Variants in CEP295 observed in about 807,000 individuals in gnomAD.
CEP295 encodes centrosomal protein 295, also known as centrosomal protein of 295 kDa.
CEP295 carries 190 observed loss-of-function variants against 291.6 expected under a neutral mutation model. The ratio of observed to expected loss-of-function variants is 0.65; its 90% CI spans 0.58 to 0.73. CEP295 has a LOEUF of 0.73. Ranked by LOEUF, CEP295 falls within the 30% of genes least tolerant of loss-of-function variation. The pLI, the probability that CEP295 is intolerant of heterozygous loss-of-function variation, is 0.00. For missense variants in CEP295, 2,863 were observed against 2,949.4 expected, an observed-to-expected ratio of 0.97 and a Z score of 0.68; for synonymous variants, 993 against 1,038.8, an observed-to-expected ratio of 0.96 and a Z score of 0.85.
At position 93,667,724 on chromosome 11, in the gene CEP295, A is replaced by G; in HGVS notation, c.226A>G (p.Thr76Ala). The G allele has an allele frequency of 6.4e-7, 1 of 1,551,526 alleles. No individual in the cohort carries two copies. The highest frequency in any genetic ancestry group is 8.7e-7 in the Non-Finnish European group (1 of 1,146,870). The change falls in exon 3 of 30, where the codon ACT becomes GCT. Residue 76 changes from threonine to alanine, a missense_variant. By Grantham distance (58) the Thr-to-Ala change is moderately conservative. Coordinates refer to ENST00000325212, the MANE Select transcript of CEP295 (RefSeq NM_033395.2). ...AAGGGCAGAATGGGAAGAATCACAA[A>G]CTCAGAAAATACAGAACTTGGAAAA... ...ELRAEWEESQTQKIQNLEKLY... is the reference protein window; with the variant it reads ...ELRAEWEESQAQKIQNLEKLY...
intron 24 of CEP295, 161 bp from the exon 25 acceptor site, chr11:93,728,520 C>A: frequency 1.9e-6 from 1 of 535,902 alleles, no homozygotes; most frequent in East Asian, 3.4e-5. Flanking sequence ...TTATGGAAGC[C>A]TAAGGAAATC....
intron 6 of CEP295, among the ~76,000 whole-genome samples, chr11:93,676,879 G>C (rs10765631): frequency 0.92 from 139,657 of 152,002 alleles, 64,974 homozygotes; most frequent in East Asian, 0.99. Context: ...TTAAAAATTA[G>C]ATCAGTAGTT....
chr11:93,692,163 C>A, intron 12 of CEP295, 133 bp downstream of exon 12: 1 of 592,512 alleles, frequency 1.7e-6, no homozygotes, highest in Non-Finnish European at 3.0e-6. Flanking sequence ...CTTACACAAA[C>A]ATTCAGCTGA....
At chr11:93,692,178 A>T in intron 12 of CEP295, 148 bp downstream of exon 12, 1 of 584,054 alleles carries the variant, frequency 1.7e-6, no homozygotes, top group Non-Finnish European at 3.0e-6. Flanking sequence ...AGCTGATAAA[A>T]TGCGTGTTGT....
At position 93,696,834 on chromosome 11, in the gene CEP295, T is replaced by C. The variant is rs1466015322; in HGVS notation, c.1922T>C (p.Ile641Thr). ...PSWKSERPTA[I>T]SEHWDQGQRL... The stretch of plus-strand genomic sequence containing the variant: ...TGGAAATCTGAGAGACCGACTGCTA[T>C]ATCAGAGCATTGGGATCAAGGTCAG... Residue 641 changes from isoleucine to threonine, a missense_variant, in exon 15 of 30, where the codon ATA (isoleucine) becomes ACA (threonine). Transcript: ENST00000325212. 9.7e-6 allele frequency: 15 copies of C among 1,551,592 alleles called. No individual in the cohort carries two copies. Among genetic ancestry groups the C allele is most frequent in the Admixed American group, 7.8e-5 (4 of 50,964 alleles).
In CEP295 at chr11:93,687,839, G is replaced by A; in HGVS notation, c.1310G>A (p.Arg437Lys). The A allele has an allele frequency of 6.4e-7, 1 of 1,550,920 alleles. No individual in the cohort carries two copies. The highest frequency in any genetic ancestry group is 1.2e-5 in the South Asian group (1 of 83,966). The change falls in exon 10 of 30, where the codon AGA becomes AAA. Residue 437 changes from arginine (R) to lysine (K), a missense_variant. By Grantham distance (26) the Arg-to-Lys change is conservative. This residue lies in a region of CEP295 where 554 missense variants were observed against 576.0 expected (regional missense o/e 0.96). Transcript: ENST00000325212. ...VESGTIASKE[R>K]TLSSGQEQVV... The stretch of plus-strand genomic sequence containing the variant: ...TCAGGAACAATTGCCAGCAAAGAGA[G>A]AACGTTATCCTCTGGGCAGGAACAA...
At chr11:93,728,946 C>A in intron 25 of CEP295, 125 bp downstream of exon 25, 1 of 739,352 alleles carries the variant, frequency 1.4e-6, no homozygotes, top group Non-Finnish European at 2.1e-6. Context: ...GCCGACACCC[C>A]CACCAGCTCT....
intron 17 of CEP295, among the ~76,000 whole-genome samples, chr11:93,706,069 G>T (rs147022829): frequency 2.6e-5 from 4 of 152,118 alleles, no homozygotes; most frequent in Admixed American, 6.6e-5. Flanking sequence ...ACCCCAGAGT[G>T]TATCAGATTC....
At chr11:93,714,929 CTG>C (rs2135257928) in intron 18 of CEP295, among the ~76,000 whole-genome samples, 1 of 152,230 alleles carries the variant, frequency 6.6e-6, no homozygotes, top group South Asian at 2.1e-4. Context: ...ATCTCTGAGA[CTG>C]TGCTGTGTCA....
chr11:93,687,006 A>G (rs956513552), intron 9 of CEP295, among the ~76,000 whole-genome samples: 2 of 152,188 alleles, frequency 1.3e-5, no homozygotes, highest in Non-Finnish European at 2.9e-5. Context: ...CTCTTAGAGA[A>G]CTGTTCGTAT....
chr11:93,666,894 A>C, intron 2 of CEP295, 79 bp downstream of exon 2: 1 of 811,010 alleles, frequency 1.2e-6, no homozygotes, highest in Non-Finnish European at 1.9e-6. Flanking sequence ...GAGTGTTCTA[A>C]ATGTTGTATT....
chr11:93,684,072 G>A lies in CEP295; in HGVS notation c.1058G>A (p.Gly353Asp), dbSNP rs1306823604. Residue 353 changes from glycine (G) to aspartate (D), a missense_variant, in exon 9 of 30, where the codon GGT becomes GAT. Around this residue, in one of 3 missense-constraint regions of CEP295, gnomAD observed 554 missense variants for 576.0 expected, o/e 0.96. Coordinates refer to ENST00000325212, the MANE Select transcript of CEP295 (RefSeq NM_033395.2). The part of the protein sequence containing the change: ...LDLSMEQENL[G>D]AAEDLPVTEA... The stretch of plus-strand genomic sequence containing the variant: ...CTTTCAATGGAACAAGAAAATTTGG[G>A]TGCAGCTGAAGACCTTCCAGTGACA... 5 of 1,551,460 alleles carry A rather than the reference G, an allele frequency of 3.2e-6. No homozygotes were observed. Among genetic ancestry groups the A allele is most frequent in the South Asian group, 1.2e-5 (1 of 84,062 alleles).
At chr11:93,696,072 TTTCATC>T (rs984339413) in intron 13 of CEP295, among the ~76,000 whole-genome samples, 2 of 152,224 alleles carry the variant, frequency 1.3e-5, no homozygotes, top group African/African-American at 4.8e-5. Context: ...CAGTTACGGC[TTTCATC>T]TTTCAGTTTC....
At chr11:93,685,547 G>A (rs1031870313) in intron 9 of CEP295, among the ~76,000 whole-genome samples, 1 of 151,720 alleles carries the variant, frequency 6.6e-6, no homozygotes, top group African/African-American at 2.4e-5. Context: ...GGAAAAAAAA[G>A]CAGCAGCAGC....
chr11:93,697,564 C>T lies in CEP295; in HGVS notation c.2652C>T (p.Gly884=). ...AGAAAGAAGTGGAACAGCAAACGGG[C>T]CTCTCGGTATTCCTTCCCTTGGTAA... The part of the protein sequence containing the change: ...CKQKEVEQQT[G]LSVFLPLVTP... Residue 884 remains glycine, a synonymous_variant, in exon 15 of 30, where the codon GGC becomes GGT. Coordinates refer to ENST00000325212, the MANE Select transcript of CEP295 (RefSeq NM_033395.2). 1 of 1,551,724 alleles carries T rather than the reference C, an allele frequency of 6.4e-7. No homozygotes were observed.
chr11:93,703,696 T>C (rs1952324915), intron 17 of CEP295, among the ~76,000 whole-genome samples: 1 of 151,788 alleles, frequency 6.6e-6, no homozygotes, highest in Admixed American at 6.6e-5. Context: ...CAATTAGATA[T>C]ATTTATTCAC....
chr11:93,673,133 C>G (rs1207940435), intron 5 of CEP295, among the ~76,000 whole-genome samples: 9 of 152,170 alleles, frequency 5.9e-5, no homozygotes. Context: ...TTTGTGACTT[C>G]AGTTTCTTAC....
At chr11:93,669,057 CTT>C in intron 4 of CEP295, 125 bp downstream of exon 4, 1 of 545,394 alleles carries the variant, frequency 1.8e-6, no homozygotes, top group Non-Finnish European at 3.2e-6. Context: ...ATTTGTTAAA[CTT>C]GATTTAAAAA....
At position 93,696,858 on chromosome 11, in the gene CEP295, A is replaced by G. The variant is rs916232182; in HGVS notation, c.1946A>G (p.Gln649Arg). The G allele has an allele frequency of 1.3e-6, 2 of 1,551,658 alleles. No homozygotes were observed. The highest frequency in any genetic ancestry group is 1.4e-5 in the African/African-American group (1 of 73,058). Reference protein sequence around the residue: ...TAISEHWDQGQRLKLSPNKYQ... With the variant: ...TAISEHWDQGRRLKLSPNKYQ... ...ATATCAGAGCATTGGGATCAAGGTC[A>G]GAGACTCAAGTTGAGTCCTAACAAA... The change falls in exon 15 of 30, where the codon CAG (glutamine) becomes CGG (arginine). Residue 649 changes from glutamine (Q) to arginine (R), a missense_variant. Physicochemically the swap from Gln to Arg is conservative, Grantham distance 43. This residue lies in a region of CEP295 where 2,295 missense variants were observed against 2,335.7 expected (regional missense o/e 0.98). Transcript: ENST00000325212.
Sources: allele counts gnomAD v4.1 joint callset (sites outside exome capture counted in the v4.1 genomes callset), GRCh38; gene constraint gnomAD v4.1.1; regional missense constraint gnomAD v4.1.1; transcripts MANE v1.5; gene names NCBI Gene and HGNC (gene_info 2026-07-23, HGNC 2026-07-21).